Variants in RGPD2 observed in about 807,000 individuals in gnomAD.
RGPD2 encodes RANBP2-like and GRIP domain-containing protein 2.
RGPD2 carries 2 observed loss-of-function variants against 36.0 expected under a neutral mutation model. That is an observed-to-expected ratio of 0.06 (90% confidence interval 0.02 to 0.17). RGPD2 has a LOEUF of 0.17. Ranked by LOEUF, RGPD2 falls within the 10% of genes least tolerant of loss-of-function variation. RGPD2 has a pLI of 1.00. For synonymous variants in RGPD2, 19 were observed against 163.8 expected, an observed-to-expected ratio of 0.12 and a Z score of 6.75; for missense variants, 40 against 464.3, an observed-to-expected ratio of 0.09 and a Z score of 8.40.
At chr2:87,860,402 T>C in the RGPD2 span, among the ~76,000 whole-genome samples, 1 of 150,932 alleles carries the variant, frequency 6.6e-6, no homozygotes, top group Non-Finnish European at 1.5e-5. Flanking sequence ...TGTAATTATC[T>C]CCAAAAGGCC....
the RGPD2 span, among the ~76,000 whole-genome samples, chr2:87,955,272 C>T: frequency 2.0e-4 from 29 of 148,706 alleles, no homozygotes; most frequent in African/African-American, 7.0e-4. Flanking sequence ...CCCACAGCCT[C>T]CCAAAGTGCT....
At chr2:87,864,617 G>C in the RGPD2 span, among the ~76,000 whole-genome samples, 185 of 26,064 alleles carry the variant, frequency 7.1e-3, no homozygotes, top group East Asian at 0.014. Flanking sequence ...TAGATAGATA[G>C]ATAGATACAT....
chr2:87,822,181 G>A lies in RGPD2; in HGVS notation c.72+3477C>T, dbSNP rs4458213. ...TAGATACTGAAACATGAATTCCCCA[G>A]TCTTCTTCCCCTGGAACATAAGGGT... is the stretch of plus-strand genomic sequence containing the variant. On this transcript the variant is annotated intron_variant, in intron 1 of 22. Transcript: ENST00000398146. 3.2e-3 allele frequency among the ~76,000 whole-genome samples: 400 copies of A among 126,504 alleles called. 1 individual carries two copies. Among genetic ancestry groups the A allele is most frequent in the African/African-American group, 4.1e-3 (144 of 35,392 alleles). 83.0% of individuals were successfully genotyped at this position (126,504 alleles called of 152,430 possible). A position where few individuals can be genotyped will look rare whatever the true frequency, so the allele number is the denominator to read the frequency against.
At chr2:87,825,850 GCA>G (rs1158478761), upstream of RGPD2, 2 of 1,276,658 alleles carry the variant, frequency 1.6e-6, no homozygotes, top group Non-Finnish European at 2.1e-6. Flanking sequence ...CCACTGTGAC[GCA>G]CTTGTGTACT....
upstream of RGPD2, among the ~76,000 whole-genome samples, chr2:87,827,351 T>TA (rs551674774): frequency 6.6e-5 from 10 of 152,146 alleles, no homozygotes; most frequent in African/African-American, 1.2e-4. Flanking sequence ...CATAGTAGAA[T>TA]AAAAAAAACT....
At chr2:87,913,089 A>G in the RGPD2 span, among the ~76,000 whole-genome samples, 1 of 152,190 alleles carries the variant, frequency 6.6e-6, no homozygotes, top group African/African-American at 2.4e-5. Context: ...AAAATATTTA[A>G]ATGTCCTTAT....
chr2:87,824,714 G>A (rs1244223770), intron 1 of RGPD2, among the ~76,000 whole-genome samples: 15 of 78,520 alleles, frequency 1.9e-4, no homozygotes, highest in Non-Finnish European at 2.9e-4. Flanking sequence ...CCGAGGCCGA[G>A]GCCGCCGCCG....
chr2:87,867,732 T>C, the RGPD2 span, among the ~76,000 whole-genome samples: 3 of 150,730 alleles, frequency 2.0e-5, no homozygotes, highest in African/African-American at 7.3e-5. Context: ...GCATTGTTTA[T>C]TTGTGGACGT....
chr2:87,866,244 G>C, the RGPD2 span, among the ~76,000 whole-genome samples: 1 of 151,504 alleles, frequency 6.6e-6, no homozygotes, highest in Non-Finnish European at 1.5e-5. Context: ...TGTATTCACA[G>C]AGTCGTTTCT....
chr2:87,860,805 C>A, the RGPD2 span, among the ~76,000 whole-genome samples: 1 of 152,004 alleles, frequency 6.6e-6, no homozygotes, highest in Non-Finnish European at 1.5e-5. Flanking sequence ...GTTTTACACC[C>A]AAGAAAAAAG....
the RGPD2 span, among the ~76,000 whole-genome samples, chr2:87,864,837 T>C: frequency 1.3e-5 from 2 of 152,254 alleles, no homozygotes; most frequent in South Asian, 2.1e-4. Context: ...AAGACTACTC[T>C]ACATGTTCTG....
chr2:87,892,853 G>A, the RGPD2 span, among the ~76,000 whole-genome samples: 135 of 147,100 alleles, frequency 9.2e-4, no homozygotes, highest in African/African-American at 3.2e-3. Flanking sequence ...AAAAGTCAAA[G>A]GGCACTAAAG....
At chr2:87,847,559 C>T in the RGPD2 span, among the ~76,000 whole-genome samples, 3 of 147,736 alleles carry the variant, frequency 2.0e-5, no homozygotes, top group Non-Finnish European at 4.5e-5. Context: ...AGTGCAGTGG[C>T]GCAATCTCGA....
chr2:87,955,323 C>A, the RGPD2 span, among the ~76,000 whole-genome samples: 1 of 137,370 alleles, frequency 7.3e-6, no homozygotes, highest in African/African-American at 2.7e-5. Flanking sequence ...CCGAAAAGTT[C>A]TTTATTTTCA....
the RGPD2 span, among the ~76,000 whole-genome samples, chr2:87,976,578 A>G: frequency 6.6e-6 from 1 of 152,094 alleles, no homozygotes; most frequent in African/African-American, 2.4e-5. Flanking sequence ...ACTGAAAATA[A>G]TAATACCTGG....
chr2:87,967,338 G>A, the RGPD2 span, among the ~76,000 whole-genome samples: 4 of 149,778 alleles, frequency 2.7e-5, no homozygotes, highest in Non-Finnish European at 5.9e-5. Context: ...AACCCGGGAG[G>A]TGGAGCTTGC....
the RGPD2 span, among the ~76,000 whole-genome samples, chr2:87,884,446 G>A: frequency 2.1e-3 from 321 of 151,704 alleles, 3 homozygotes; most frequent in African/African-American, 7.5e-3. Flanking sequence ...AATAACAAAG[G>A]TCAGAGCAAA....
the RGPD2 span, among the ~76,000 whole-genome samples, chr2:87,851,385 CA>C: frequency 8.7e-5 from 13 of 149,168 alleles, no homozygotes; most frequent in African/African-American, 3.0e-4. Flanking sequence ...GACTCCATCT[CA>C]AAAAAACAAA....
chr2:87,860,816 T>C, the RGPD2 span, among the ~76,000 whole-genome samples: 1 of 152,092 alleles, frequency 6.6e-6, no homozygotes, highest in Non-Finnish European at 1.5e-5. Context: ...AAGAAAAAAG[T>C]ATGGCTTCTC....
Sources: gnomAD v4.1 joint callset for allele counts (sites outside exome capture counted in the v4.1 genomes callset) on GRCh38, gnomAD v4.1.1 for gene constraint, MANE v1.5 for transcripts, NCBI Gene and HGNC (gene_info 2026-07-23, HGNC 2026-07-21) for gene names.